SLCO1B1: variants seen among roughly 807,000 people sequenced by gnomAD.
SLCO1B1 encodes the protein OATP-2.
A neutral mutation model predicts 70.1 loss-of-function variants in SLCO1B1; 81 were observed. That is an observed-to-expected ratio of 1.16 (90% CI 0.97 to 1.39). The LOEUF is 1.39. Ranked by LOEUF, SLCO1B1 falls within the 40% of genes most tolerant of loss-of-function variation. The probability of loss-of-function intolerance (pLI) is 0.00; values close to 1 mark genes in which losing one functional copy is unlikely to be tolerated. For synonymous variants in SLCO1B1, 283 were observed against 271.5 expected (o/e 1.04, Z -0.42); for missense variants, 895 against 799.6 (o/e 1.12, Z -1.44).
intron 12 of SLCO1B1, among the ~76,000 whole-genome samples, chr12:21,221,623 GACAA>G (rs1380526512): frequency 9.9e-5 from 15 of 152,014 alleles, no homozygotes; most frequent in South Asian, 8.3e-4. Context: ...TGTTTCAAAA[GACAA>G]ACAGTCAACA....
At chr12:21,191,956 A>G (rs1415349226) in intron 7 of SLCO1B1, among the ~76,000 whole-genome samples, 5 of 152,096 alleles carry the variant, frequency 3.3e-5, no homozygotes, top group Admixed American at 3.3e-4. Context: ...CATTTCAGGT[A>G]TAAATCCCCC....
chr12:21,174,664 G>A lies in SLCO1B1; in HGVS notation c.314G>A (p.Gly105Glu). The A allele has an allele frequency of 1.2e-6, 2 of 1,612,098 alleles. No homozygotes were observed. The highest frequency in any genetic ancestry group is 1.7e-6 in the Non-Finnish European group (2 of 1,179,390). The change falls in exon 4 of 15, where the codon GGA becomes GAA. Residue 105 changes from glycine to glutamate, a missense_variant. Coordinates refer to ENST00000256958, the MANE Select transcript of SLCO1B1 (RefSeq NM_006446.5). ...ATTGGAATCGGTTGTTTCATTATGG[G>A]AATTGGAGGTGTTTTGACTGCTTTG... ...KLIGIGCFIM[G>E]IGGVLTALPH...
chr12:21,132,217 T>G (rs893637011), intron 1 of SLCO1B1, among the ~76,000 whole-genome samples: 14 of 152,240 alleles, frequency 9.2e-5, no homozygotes, highest in African/African-American at 3.4e-4. Flanking sequence ...TGCCACATTT[T>G]CTTAATCCAC....
intron 2 of SLCO1B1, among the ~76,000 whole-genome samples, chr12:21,152,759 G>A (rs1365101512): frequency 4.0e-5 from 6 of 151,868 alleles, no homozygotes; most frequent in African/African-American, 1.5e-4. Context: ...AACTAGTTCT[G>A]CCTAAGGGCA....
chr12:21,162,040 A>G (rs1293514024), intron 2 of SLCO1B1, among the ~76,000 whole-genome samples: 2 of 151,554 alleles, frequency 1.3e-5, no homozygotes, highest in African/African-American at 4.8e-5. Flanking sequence ...AAGATTTTAA[A>G]TAATATTATA....
chr12:21,231,480 T>A (rs1333939391), intron 14 of SLCO1B1, among the ~76,000 whole-genome samples: 4 of 152,084 alleles, frequency 2.6e-5, no homozygotes, highest in Non-Finnish European at 4.4e-5. Flanking sequence ...ACTCCTCGTC[T>A]GTTAGAAATG....
intron 14 of SLCO1B1, among the ~76,000 whole-genome samples, chr12:21,237,610 G>A (rs1720309413): frequency 6.6e-6 from 1 of 152,090 alleles, no homozygotes; most frequent in African/African-American, 2.4e-5. Flanking sequence ...AATAACTTAG[G>A]AAGTGTAGTT....
At chr12:21,238,853 A>G (rs1376971037) in intron 14 of SLCO1B1, 126 bp from the exon 15 acceptor site, 3 of 524,066 alleles carry the variant, frequency 5.7e-6, no homozygotes, top group Non-Finnish European at 6.7e-6. Context: ...AAGAATTATT[A>G]GAATTATTGT....
chr12:21,224,167 A>G (rs964946201), intron 13 of SLCO1B1, among the ~76,000 whole-genome samples: 1 of 152,154 alleles, frequency 6.6e-6, no homozygotes, highest in Non-Finnish European at 1.5e-5. Flanking sequence ...GTCTGAGCCC[A>G]GAAAAAAGTA....
At chr12:21,208,386 T>C (rs1222039354) in intron 11 of SLCO1B1, among the ~76,000 whole-genome samples, 1 of 152,130 alleles carries the variant, frequency 6.6e-6, no homozygotes, top group African/African-American at 2.4e-5. Context: ...GAATAATGAG[T>C]ACTTTCCCCA....
chr12:21,200,851 CT>C (rs1199259937), intron 9 of SLCO1B1, among the ~76,000 whole-genome samples, 179 bp downstream of exon 9: 4 of 152,012 alleles, frequency 2.6e-5, no homozygotes, highest in Non-Finnish European at 5.9e-5. Flanking sequence ...CACTATTGCT[CT>C]GCATTTGAAG....
chr12:21,193,613 ATAGT>A (rs1207521362), intron 7 of SLCO1B1, among the ~76,000 whole-genome samples: 3 of 152,164 alleles, frequency 2.0e-5, no homozygotes, highest in South Asian at 2.1e-4. Flanking sequence ...TCTTTGACAA[ATAGT>A]TAGGTTGCAA....
chr12:21,233,998 T>C (rs1311523630), intron 14 of SLCO1B1, among the ~76,000 whole-genome samples: 1 of 152,216 alleles, frequency 6.6e-6, no homozygotes, highest in South Asian at 2.1e-4. Context: ...AAGATCTTAC[T>C]TATCAAAACA....
In SLCO1B1 at chr12:21,197,063, C is replaced by T. The variant is rs1456478128; in HGVS notation, c.845C>T (p.Thr282Ile). 1.9e-6 allele frequency: 3 copies of T among 1,613,688 alleles called. No homozygotes were observed. The East Asian group carries it at 6.7e-5, about 36-fold the overall frequency. The change falls in exon 8 of 15, where the codon ACT becomes ATT. Residue 282 changes from threonine (T) to isoleucine (I), a missense_variant. Coordinates refer to ENST00000256958, the MANE Select transcript of SLCO1B1 (RefSeq NM_006446.5). ...SSIPFFFLPQ[T>I]PNKPQKERKA... ...ATACCATTCTTTTTCTTGCCCCAAACTCCAAATAAACCACAAAAAGAAAGA... is the reference window on the plus strand; with the variant it reads ...ATACCATTCTTTTTCTTGCCCCAAATTCCAAATAAACCACAAAAAGAAAGA...
intron 1 of SLCO1B1, among the ~76,000 whole-genome samples, chr12:21,139,009 G>A (rs891827978): frequency 1.3e-5 from 2 of 152,114 alleles, no homozygotes; most frequent in Non-Finnish European, 2.9e-5. Context: ...AGGATAGAAA[G>A]AAAGGTGGGA....
intron 11 of SLCO1B1, among the ~76,000 whole-genome samples, chr12:21,207,773 A>G (rs1490807533): frequency 1.3e-5 from 2 of 151,878 alleles, no homozygotes; most frequent in African/African-American, 2.4e-5. Context: ...TAGGATAAGC[A>G]TTCCCTTTCT....
At chr12:21,211,510 G>T (rs1358054968) in intron 11 of SLCO1B1, among the ~76,000 whole-genome samples, 1 of 152,210 alleles carries the variant, frequency 6.6e-6, no homozygotes, top group Non-Finnish European at 1.5e-5. Flanking sequence ...AAGGATATTG[G>T]TCTAAGATTC....
chr12:21,151,272 G>A (rs567706138), intron 2 of SLCO1B1, among the ~76,000 whole-genome samples: 1 of 152,274 alleles, frequency 6.6e-6, no homozygotes, highest in Non-Finnish European at 1.5e-5. Flanking sequence ...TGACTTAAAT[G>A]TCATTATGAC....
intron 2 of SLCO1B1, among the ~76,000 whole-genome samples, chr12:21,152,584 TTAGTA>T: frequency 7.4e-6 from 1 of 134,350 alleles, no homozygotes; most frequent in Admixed American, 8.1e-5. Context: ...AAGTGTTTTT[TTAGTA>T]TTTTTTTTCC....
Sources: gnomAD v4.1 joint callset for allele counts (sites outside exome capture counted in the v4.1 genomes callset) on GRCh38, gnomAD v4.1.1 for gene constraint, MANE v1.5 for transcripts, NCBI Gene and HGNC (gene_info 2026-07-23, HGNC 2026-07-21) for gene names.